The following EFNA5 variants were observed in gnomAD, a reference collection of about 807,000 sequenced individuals.
EFNA5 encodes ephrin-A5.
A neutral mutation model predicts 22.9 loss-of-function variants in EFNA5; 5 were observed. That is an observed-to-expected ratio of 0.22 (90% CI 0.11 to 0.46). The LOEUF (loss-of-function observed/expected upper bound fraction) is 0.46, where lower values mean the gene tolerates loss of function less well. EFNA5 is among the 20% of genes least tolerant of loss of function. EFNA5 has a pLI of 0.99. For synonymous variants in EFNA5, 113 were observed against 112.2 expected (o/e 1.01, Z -0.04); for missense variants, 237 against 293.3 (o/e 0.81, Z 1.40).
chr5:107,446,900 G>T (rs1749414405), intron 1 of EFNA5, among the ~76,000 whole-genome samples: 1 of 152,038 alleles, frequency 6.6e-6, no homozygotes, highest in Non-Finnish European at 1.5e-5. Flanking sequence ...GGAAGGGTGG[G>T]CAGTTGCCTC....
chr5:107,515,632 C>A (rs919522931), intron 1 of EFNA5, among the ~76,000 whole-genome samples: 1 of 152,116 alleles, frequency 6.6e-6, no homozygotes, highest in Admixed American at 6.5e-5. Context: ...CCTGCCTTGG[C>A]CTCCCAAAGT....
intron 1 of EFNA5, among the ~76,000 whole-genome samples, chr5:107,478,436 G>A (rs1195382022): frequency 6.6e-6 from 1 of 151,846 alleles, no homozygotes; most frequent in African/African-American, 2.4e-5. Context: ...CAAAGGTTTT[G>A]TAAATTTCAG....
At position 107,670,862 on chromosome 5, in the gene EFNA5, A is replaced by T; in HGVS notation, c.-249T>A. ...AACTCGCACCCCCACTGGAGGGTTC[A>T]GGAGGAAAAAGGAATCACAAGATGG... On this transcript the variant is annotated 5_prime_UTR_variant, in exon 1 of 5. Transcript: ENST00000333274. 2.1e-6 allele frequency: 1 copy of T among 487,036 alleles called. No individual in the cohort carries two copies. The highest frequency in any genetic ancestry group is 3.6e-6 in the Non-Finnish European group (1 of 275,804). The allele number at this position is 487,036 out of a possible 1,614,324, so 30.2% of individuals were successfully genotyped here.
intron 1 of EFNA5, among the ~76,000 whole-genome samples, chr5:107,507,500 C>T (rs1747275803): frequency 6.6e-6 from 1 of 151,990 alleles, no homozygotes; most frequent in African/African-American, 2.4e-5. Context: ...TAATTAAGAA[C>T]CTAGCCAGGG....
At chr5:107,638,086 C>G (rs1343584693) in intron 1 of EFNA5, among the ~76,000 whole-genome samples, 1 of 151,904 alleles carries the variant, frequency 6.6e-6, no homozygotes, top group Non-Finnish European at 1.5e-5. Flanking sequence ...ATCTCCTGAC[C>G]TCATGATCCG....
intron 2 of EFNA5, among the ~76,000 whole-genome samples, chr5:107,423,650 T>C (rs931007976): frequency 1.3e-5 from 2 of 152,214 alleles, no homozygotes; most frequent in African/African-American, 2.4e-5. Context: ...CTATCATTGA[T>C]ATAAATACCG....
chr5:107,519,304 A>G (rs937845447), intron 1 of EFNA5, among the ~76,000 whole-genome samples: 7 of 152,256 alleles, frequency 4.6e-5, no homozygotes, highest in African/African-American at 1.7e-4. Context: ...CTGCAGGAGT[A>G]CATGTGCTGA....
chr5:107,639,375 CG>C (rs902268605), intron 1 of EFNA5, among the ~76,000 whole-genome samples: 1 of 152,214 alleles, frequency 6.6e-6, no homozygotes, highest in African/African-American at 2.4e-5. Flanking sequence ...CCAACTTCCA[CG>C]GTTCATAATT....
intron 1 of EFNA5, among the ~76,000 whole-genome samples, chr5:107,521,279 A>T (rs1056537435): frequency 6.6e-6 from 1 of 150,908 alleles, no homozygotes; most frequent in Non-Finnish European, 1.5e-5. Flanking sequence ...GTATGTATGT[A>T]TTTACTTATT....
At chr5:107,576,015 A>G (rs1473327825) in intron 1 of EFNA5, among the ~76,000 whole-genome samples, 1 of 152,230 alleles carries the variant, frequency 6.6e-6, no homozygotes, top group African/African-American at 2.4e-5. Context: ...ATGCCAGGCA[A>G]ACAGTAACTT....
In EFNA5 at chr5:107,381,370, G is replaced by T. The variant is rs913570798; in HGVS notation, c.572C>A (p.Thr191Asn). Residue 191 changes from threonine to asparagine, a missense_variant, in exon 5 of 5, where the codon ACC becomes AAC. This residue lies in a region of EFNA5 where 104 missense variants were observed against 114.5 expected (regional missense o/e 0.91). Transcript: ENST00000333274. ...GGATGGCTCGGCTGACTCATGTACG[G>T]TGTCATCTGTTCAAATAGAAAGCAC... Reference protein sequence around the residue: ...VENSLEPADDTVHESAEPSRG... With the variant: ...VENSLEPADDNVHESAEPSRG... The T allele has an allele frequency of 2.4e-5, 39 of 1,611,694 alleles. No homozygotes were observed. The highest frequency in any genetic ancestry group is 3.1e-5 in the Non-Finnish European group (37 of 1,178,316).
chr5:107,456,360 T>C (rs927730398), intron 1 of EFNA5, among the ~76,000 whole-genome samples: 9 of 152,260 alleles, frequency 5.9e-5, no homozygotes, highest in African/African-American at 2.2e-4. Flanking sequence ...GTTTAGGTAA[T>C]GTTAGGGTGG....
At chr5:107,547,148 G>A (rs981524640) in intron 1 of EFNA5, among the ~76,000 whole-genome samples, 2 of 152,118 alleles carry the variant, frequency 1.3e-5, no homozygotes, top group Non-Finnish European at 2.9e-5. Context: ...TTCGCCTACT[G>A]TACACATGGA....
In EFNA5 at chr5:107,655,631, A is replaced by C. The variant is rs191442781; in HGVS notation, c.125+14858T>G. ...TGAGGTTTGTACCTTCAGGAGTAAAACAACATTACAAAATGATTATGTAAG... is the reference window on the plus strand; with the variant it reads ...TGAGGTTTGTACCTTCAGGAGTAAACCAACATTACAAAATGATTATGTAAG... On this transcript the variant is annotated intron_variant, in intron 1 of 4. Coordinates refer to ENST00000333274, the MANE Select transcript of EFNA5 (RefSeq NM_001962.3). Among the ~76,000 whole-genome samples the C allele has an allele frequency of 1.3e-3, 202 of 152,190 alleles. 1 individual carries two copies. Among genetic ancestry groups the C allele is most frequent in the African/African-American group, 4.4e-3 (182 of 41,556 alleles).
chr5:107,636,104 T>C (rs780979369), intron 1 of EFNA5, among the ~76,000 whole-genome samples: 1 of 152,204 alleles, frequency 6.6e-6, no homozygotes, highest in African/African-American at 2.4e-5. Flanking sequence ...AAAAGGCATC[T>C]AAAGTTCTTA....
chr5:107,610,680 G>A (rs780808684), intron 1 of EFNA5, among the ~76,000 whole-genome samples: 1 of 152,058 alleles, frequency 6.6e-6, no homozygotes, highest in Admixed American at 6.5e-5. Context: ...AGTGCATACA[G>A]TGTCAAAGTC....
chr5:107,582,366 A>T (rs543561436), intron 1 of EFNA5, among the ~76,000 whole-genome samples: 1 of 152,322 alleles, frequency 6.6e-6, no homozygotes, highest in South Asian at 2.1e-4. Context: ...TGGGGCTGAG[A>T]TGATGCTTTG....
chr5:107,399,069 T>A (rs192715129), intron 2 of EFNA5, among the ~76,000 whole-genome samples: 1 of 152,154 alleles, frequency 6.6e-6, no homozygotes, highest in African/African-American at 2.4e-5. Context: ...GGAACTGATG[T>A]AATAATCAGG....
intron 1 of EFNA5, among the ~76,000 whole-genome samples, chr5:107,487,554 G>A (rs1407529289): frequency 6.6e-6 from 1 of 152,234 alleles, no homozygotes; most frequent in African/African-American, 2.4e-5. Flanking sequence ...CAGAGTAGAG[G>A]TTTGTTGGAT....
Sources: allele counts gnomAD v4.1 joint callset (sites outside exome capture counted in the v4.1 genomes callset), GRCh38; gene constraint gnomAD v4.1.1; regional missense constraint gnomAD v4.1.1; transcripts MANE v1.5; gene names NCBI Gene and HGNC (gene_info 2026-07-23, HGNC 2026-07-21).